ACACA: variants seen among roughly 807,000 people sequenced by gnomAD.
ACACA encodes acetyl-CoA carboxylase alpha.
A neutral mutation model predicts 296.1 loss-of-function variants in ACACA; 103 were observed. That is an observed-to-expected ratio of 0.35 (90% CI 0.30 to 0.41). The LOEUF is 0.41. ACACA is among the 10% of genes least tolerant of loss of function. The pLI is 1.00. For synonymous variants in ACACA, 953 were observed against 1,038.6 expected (o/e 0.92, Z 1.58); for missense variants, 1,554 against 2,989.7 (o/e 0.52, Z 11.20).
chr17:37,145,845 A>C (rs887622334), intron 45 of ACACA, among the ~76,000 whole-genome samples: 1 of 152,202 alleles, frequency 6.6e-6, no homozygotes, highest in Non-Finnish European at 1.5e-5. Context: ...ACTCAATAAA[A>C]TCCAGATACT....
chr17:37,230,757 T>C (rs891608046), intron 25 of ACACA, among the ~76,000 whole-genome samples: 1 of 152,178 alleles, frequency 6.6e-6, no homozygotes. Context: ...AACATCACCA[T>C]CTAATCCTGG....
intron 45 of ACACA, among the ~76,000 whole-genome samples, chr17:37,141,614 G>A (rs545895072): frequency 1.3e-5 from 2 of 152,198 alleles, no homozygotes; most frequent in East Asian, 1.9e-4. Context: ...TTCACAAAGA[G>A]GAAACTAACA....
At chr17:37,183,960 C>A (rs1483539829) in intron 39 of ACACA, among the ~76,000 whole-genome samples, 7 of 143,832 alleles carry the variant, frequency 4.9e-5, no homozygotes, top group African/African-American at 1.8e-4. Context: ...TCAAGTAATT[C>A]TCCTGTCTCA....
chr17:37,167,641 A>T (rs2076731789), intron 41 of ACACA, among the ~76,000 whole-genome samples: 1 of 151,362 alleles, frequency 6.6e-6, no homozygotes, highest in Non-Finnish European at 1.5e-5. Flanking sequence ...TTTCTTTACT[A>T]GAGAAATTAA....
intron 1 of ACACA, among the ~76,000 whole-genome samples, chr17:37,392,978 C>T (rs1046556454): frequency 5.9e-5 from 9 of 151,788 alleles, no homozygotes; most frequent in African/African-American, 2.2e-4. Context: ...CCCGTCTCTA[C>T]TAAACATACA....
chr17:37,150,783 G>A (rs928550481), intron 44 of ACACA, among the ~76,000 whole-genome samples: 3 of 152,002 alleles, frequency 2.0e-5, no homozygotes, highest in Non-Finnish European at 4.4e-5. Flanking sequence ...GCCAGGTGTG[G>A]TAGCTCATGC....
At chr17:37,368,883 C>T (rs1049820714) in intron 1 of ACACA, among the ~76,000 whole-genome samples, 4 of 152,154 alleles carry the variant, frequency 2.6e-5, no homozygotes, top group African/African-American at 7.2e-5. Flanking sequence ...GTAATGAGGA[C>T]AATCCCTTAG....
At chr17:37,121,550 C>A in intron 49 of ACACA, 60 bp from the exon 50 acceptor site, 1 of 1,598,704 alleles carries the variant, frequency 6.3e-7, no homozygotes, top group Non-Finnish European at 8.6e-7. Flanking sequence ...GAAATCTCTC[C>A]AAGGTGAACA....
At chr17:37,094,572 ACCC>A (rs67691656) in intron 54 of ACACA, among the ~76,000 whole-genome samples, 25,401 of 114,880 alleles carry the variant, frequency 0.22, 3,015 homozygotes, top group East Asian at 0.51. Context: ...TTGAAGAACC[ACCC>A]CCCCCCCCCC....
intron 46 of ACACA, 143 bp from the exon 47 acceptor site, chr17:37,129,628 C>A: frequency 8.8e-7 from 1 of 1,142,770 alleles, no homozygotes; most frequent in Non-Finnish European, 1.3e-6. Context: ...TGGAAGAATC[C>A]TACGTATGTG....
At chr17:37,233,645 A>G (rs2079969913) in intron 25 of ACACA, among the ~76,000 whole-genome samples, 1 of 152,204 alleles carries the variant, frequency 6.6e-6, no homozygotes, top group African/African-American at 2.4e-5. Context: ...TCTGACAGAA[A>G]GTCTTGGCTT....
At chr17:37,386,076 C>A in intron 1 of ACACA, 1 of 1,603,020 alleles carries the variant, frequency 6.2e-7, no homozygotes, top group South Asian at 1.1e-5. Flanking sequence ...CCACCACTGC[C>A]CCTTCTATAA....
chr17:37,153,641 T>A (rs1428284339), intron 43 of ACACA, among the ~76,000 whole-genome samples: 1 of 152,162 alleles, frequency 6.6e-6, no homozygotes, highest in African/African-American at 2.4e-5. Flanking sequence ...AAGAATAAAT[T>A]TTTTCGATTT....
intron 52 of ACACA, among the ~76,000 whole-genome samples, chr17:37,103,749 AC>A (rs749026538): frequency 2.6e-5 from 4 of 151,374 alleles, no homozygotes; most frequent in African/African-American, 9.8e-5. Context: ...ACACACACAC[AC>A]AAAATGCCAA....
intron 52 of ACACA, among the ~76,000 whole-genome samples, chr17:37,109,410 T>C (rs1357717252): frequency 6.6e-6 from 1 of 152,218 alleles, no homozygotes; most frequent in Admixed American, 6.5e-5. Flanking sequence ...CTCCACTTTA[T>C]GGTTGGAAAA....
At chr17:37,391,428 C>A (rs1447882006) in intron 1 of ACACA, among the ~76,000 whole-genome samples, 1 of 152,134 alleles carries the variant, frequency 6.6e-6, no homozygotes, top group Admixed American at 6.6e-5. Context: ...CTTTTAATTA[C>A]TTTGCTAGTG....
chr17:37,141,774 C>T (rs780176436), intron 45 of ACACA, among the ~76,000 whole-genome samples: 3 of 152,028 alleles, frequency 2.0e-5, no homozygotes, highest in Non-Finnish European at 2.9e-5. Context: ...TCGCTGCCAC[C>T]TCTGCCTCCC....
At chr17:37,248,536 A>G (rs1555614586) in intron 17 of ACACA, 57 bp downstream of exon 17, 1 of 1,326,962 alleles carries the variant, frequency 7.5e-7, no homozygotes, top group Non-Finnish European at 1.1e-6. Flanking sequence ...CTGCCTCTCA[A>G]CCTAAAGAAA....
intron 52 of ACACA, among the ~76,000 whole-genome samples, chr17:37,108,841 CT>C (rs1411318809): frequency 1.3e-5 from 2 of 152,150 alleles, no homozygotes; most frequent in African/African-American, 4.8e-5. Flanking sequence ...CAGATTTTCT[CT>C]GTGGAAATGG....
Sources: gnomAD v4.1 joint callset for allele counts (sites outside exome capture counted in the v4.1 genomes callset) on GRCh38, gnomAD v4.1.1 for gene constraint, MANE v1.5 for transcripts, NCBI Gene and HGNC (gene_info 2026-07-23, HGNC 2026-07-21) for gene names.